The following ITPK1 variants were observed in gnomAD, a reference collection of about 807,000 sequenced individuals.
The protein encoded by ITPK1 is inositol-tetrakisphosphate 1-kinase.
ITPK1 carries 21 observed loss-of-function variants against 45.3 expected under a neutral mutation model. That is an observed-to-expected ratio of 0.46 (90% CI 0.33 to 0.67). The LOEUF is 0.67. Among genes scored for constraint, ITPK1 ranks in the 30% least tolerant of loss-of-function variants. The probability of loss-of-function intolerance (pLI) is 0.02; values close to 1 mark genes in which losing one functional copy is unlikely to be tolerated. For synonymous variants in ITPK1, 258 were observed against 253.6 expected, an observed-to-expected ratio of 1.02 and a Z score of -0.16; for missense variants, 474 against 573.5, an observed-to-expected ratio of 0.83 and a Z score of 1.77.
At chr14:93,007,674 A>G (rs948176624) in intron 4 of ITPK1, among the ~76,000 whole-genome samples, 1 of 152,076 alleles carries the variant, frequency 6.6e-6, no homozygotes, top group African/African-American at 2.4e-5. Flanking sequence ...GCACAATAAG[A>G]GAGACAGATC....
chr14:93,088,208 C>G (rs773922785), intron 2 of ITPK1, among the ~76,000 whole-genome samples: 3 of 152,196 alleles, frequency 2.0e-5, no homozygotes, highest in Non-Finnish European at 4.4e-5. Flanking sequence ...CTGTCCCAGG[C>G]AGAAACAGGG....
At chr14:93,075,429 A>T (rs1891183159) in intron 3 of ITPK1, among the ~76,000 whole-genome samples, 1 of 151,788 alleles carries the variant, frequency 6.6e-6, no homozygotes, top group South Asian at 2.1e-4. Context: ...GCCTGGACAA[A>T]AACCTAGAGC....
rs973738099 is a variant in ITPK1, at chr14:92,941,561, C to T, written c.1245G>A (p.Ter415=). The T allele has an allele frequency of 5.6e-5, 86 of 1,532,210 alleles. No individual in the cohort carries two copies. Among genetic ancestry groups the T allele is most frequent in the Non-Finnish European group, 7.3e-5 (84 of 1,142,996 alleles). 94.9% of individuals were successfully genotyped at this position (1,532,210 alleles called of 1,614,324 possible). A position where few individuals can be genotyped will look rare whatever the true frequency, so the allele number is the denominator to read the frequency against. The change falls in exon 11 of 11, where the codon TAG becomes TAA. Residue 415 remains the stop codon, a stop_retained_variant. Coordinates refer to ENST00000267615, the MANE Select transcript of ITPK1 (RefSeq NM_014216.6). ...GCCCCTCTGGGTCCCGGCTCCGTGG[C>T]TACTGGGAGGAGGCCTTGGTGGCCA... ...ASLATKASSQ[*] is the part of the protein sequence containing the mutation.
chr14:93,084,541 A>C (rs1373683244), intron 2 of ITPK1, among the ~76,000 whole-genome samples: 1 of 151,888 alleles, frequency 6.6e-6, no homozygotes. Flanking sequence ...ATGCTGAATG[A>C]GTTGTGAGTA....
At chr14:92,968,517 T>TC (rs201172095) in intron 5 of ITPK1, among the ~76,000 whole-genome samples, 2,748 of 152,188 alleles carry the variant, frequency 0.018, 72 homozygotes, top group Admixed American at 0.08. Flanking sequence ...TTGTTCCTCA[T>TC]CCCCACTGGG....
chr14:92,992,863 G>T (rs1346015680), intron 5 of ITPK1, among the ~76,000 whole-genome samples: 1 of 152,240 alleles, frequency 6.6e-6, no homozygotes, highest in Non-Finnish European at 1.5e-5. Flanking sequence ...AAAATGGGAA[G>T]GCTTATCATG....
At chr14:93,079,710 A>G (rs1891364701) in intron 2 of ITPK1, among the ~76,000 whole-genome samples, 1 of 152,232 alleles carries the variant, frequency 6.6e-6, no homozygotes, top group South Asian at 2.1e-4. Context: ...GAGCAAAGGC[A>G]CCAACAACCT....
chr14:92,957,362 G>A (rs1238943060), intron 8 of ITPK1, among the ~76,000 whole-genome samples: 1 of 152,254 alleles, frequency 6.6e-6, no homozygotes, highest in Non-Finnish European at 1.5e-5. Context: ...TGTTCCAAAG[G>A]TTTCCAGAAC....
At chr14:92,994,965 G>C (rs12435325) in intron 4 of ITPK1, among the ~76,000 whole-genome samples, 1 of 152,166 alleles carries the variant, frequency 6.6e-6, no homozygotes, top group Non-Finnish European at 1.5e-5. Flanking sequence ...TTTCTTAGGA[G>C]AGAAATCTGA....
At chr14:93,006,465 C>T (rs1489115415) in intron 4 of ITPK1, among the ~76,000 whole-genome samples, 2 of 152,218 alleles carry the variant, frequency 1.3e-5, no homozygotes, top group Admixed American at 6.5e-5. Flanking sequence ...GGCCCGAGCA[C>T]GCAAATGGGG....
At chr14:93,103,745 G>A (rs1892414894) in intron 2 of ITPK1, among the ~76,000 whole-genome samples, 1 of 152,182 alleles carries the variant, frequency 6.6e-6, no homozygotes, top group Non-Finnish European at 1.5e-5. Context: ...ACCTGCACTA[G>A]GACAAGTACC....
intron 4 of ITPK1, among the ~76,000 whole-genome samples, chr14:92,998,022 C>G (rs1288129728): frequency 6.6e-6 from 1 of 152,222 alleles, no homozygotes; most frequent in Admixed American, 6.5e-5. Flanking sequence ...GGGAGTGAGA[C>G]ACAGGGATTT....
rs1364055164 is a variant in ITPK1 at position 93,012,629 on chromosome 14, G to A, written c.246+4047C>T. On this transcript the variant is annotated intron_variant, in intron 4 of 10. Transcript: ENST00000267615. This position sits in a 1 kb window ranked among gnomAD's most constrained non-coding sequence, Gnocchi z 4.9. ...AGGTCAGTTCTGGGTCTGCCTGCTG[G>A]CCTCTCCTCCTGGCCAGGAGCTCGC... Among the ~76,000 whole-genome samples the A allele has an allele frequency of 6.6e-6, 1 of 152,142 alleles. No individual in the cohort carries two copies. Among genetic ancestry groups the A allele is most frequent in the Non-Finnish European group, 1.5e-5 (1 of 68,016 alleles).
chr14:92,937,825 C>G lies in ITPK1; in HGVS notation c.*3736G>C, dbSNP rs1001591916. ...CTGCACTTCTCTGCCTCCCGGTCAC[C>G]AGGCTGGAGGGGTCGTGCTCCTTTA... On this transcript the variant is annotated 3_prime_UTR_variant, in exon 11 of 11. Transcript: ENST00000267615. 1 of 152,522 alleles carries G rather than the reference C, an allele frequency of 6.6e-6. No individual in the cohort carries two copies. Among genetic ancestry groups the G allele is most frequent in the African/African-American group, 2.4e-5 (1 of 41,474 alleles). 9.4% of individuals were successfully genotyped at this position (152,522 alleles called of 1,614,324 possible).
chr14:93,054,844 C>T (rs1208540025), intron 3 of ITPK1, among the ~76,000 whole-genome samples: 1 of 152,138 alleles, frequency 6.6e-6, no homozygotes, highest in Admixed American at 6.5e-5. Context: ...AAGCCTTTCA[C>T]TGAAGTATAA....
intron 5 of ITPK1, among the ~76,000 whole-genome samples, chr14:92,970,882 G>A (rs568451780): frequency 1.7e-4 from 26 of 152,202 alleles, no homozygotes; most frequent in Admixed American, 4.6e-4. Flanking sequence ...TGATCCGCCC[G>A]CCTCGGCCTC....
chr14:92,964,218 C>T (rs1885230372), intron 5 of ITPK1, among the ~76,000 whole-genome samples: 1 of 152,180 alleles, frequency 6.6e-6, no homozygotes, highest in Non-Finnish European at 1.5e-5. Flanking sequence ...TGGTCTGGAG[C>T]CAGTGTTTCC....
At chr14:93,003,849 C>T (rs1263793235) in intron 4 of ITPK1, among the ~76,000 whole-genome samples, 1 of 152,214 alleles carries the variant, frequency 6.6e-6, no homozygotes, top group Non-Finnish European at 1.5e-5. Flanking sequence ...GTTACAAGTC[C>T]TAGAACTGCC....
At chr14:93,020,243 A>G (rs944095506) in intron 3 of ITPK1, among the ~76,000 whole-genome samples, 1 of 152,198 alleles carries the variant, frequency 6.6e-6, no homozygotes, top group African/African-American at 2.4e-5. Context: ...TTGACTTCCA[A>G]AATGATTAAC....
Sources: allele counts gnomAD v4.1 joint callset (sites outside exome capture counted in the v4.1 genomes callset), GRCh38; gene constraint gnomAD v4.1.1; non-coding constraint Gnocchi (gnomAD v3.1); transcripts MANE v1.5; gene names NCBI Gene and HGNC (gene_info 2026-07-23, HGNC 2026-07-21).